Variants in ERC1 observed in about 807,000 individuals in gnomAD.
ERC1 encodes the protein RAB6 interacting protein 2.
Under a neutral mutation model 132.0 loss-of-function variants are expected in ERC1, and 56 were observed. That is an observed-to-expected ratio of 0.42 (90% confidence interval 0.34 to 0.53). ERC1 has a LOEUF of 0.53. Among genes scored for constraint, ERC1 ranks in the 20% least tolerant of loss-of-function variants. The probability of loss-of-function intolerance (pLI) is 0.03; values close to 1 mark genes in which losing one functional copy is unlikely to be tolerated. For synonymous variants in ERC1, 478 were observed against 476.1 expected (o/e 1.00, Z -0.05); for missense variants, 1,202 against 1,349.9 (o/e 0.89, Z 1.72).
At chr12:1,454,843 C>T (rs1285385163) in intron 18 of ERC1, among the ~76,000 whole-genome samples, 2 of 152,198 alleles carry the variant, frequency 1.3e-5, no homozygotes, top group Non-Finnish European at 2.9e-5. Flanking sequence ...TCGTCTCATA[C>T]TACTTAGGCT....
chr12:1,119,840 G>A (rs1034865242), intron 7 of ERC1, among the ~76,000 whole-genome samples: 1 of 151,976 alleles, frequency 6.6e-6, no homozygotes, highest in African/African-American at 2.4e-5. Flanking sequence ...GTGAGCCACC[G>A]CATCCATTCA....
At chr12:1,362,349 T>C (rs1302844125) in intron 15 of ERC1, among the ~76,000 whole-genome samples, 2 of 152,182 alleles carry the variant, frequency 1.3e-5, no homozygotes, top group African/African-American at 2.4e-5. Context: ...TCTCATCTGC[T>C]CTGTCCATCC....
At chr12:1,051,277 G>A (rs1381490441) in intron 2 of ERC1, among the ~76,000 whole-genome samples, 9 of 152,054 alleles carry the variant, frequency 5.9e-5, no homozygotes, top group African/African-American at 2.2e-4. Flanking sequence ...ACTCTCCTAA[G>A]GTAATCGTAA....
At chr12:1,430,144 T>C (rs749072007) in intron 17 of ERC1, 4 of 152,200 alleles carry the variant, frequency 2.6e-5, no homozygotes, top group African/African-American at 9.6e-5. Context: ...AACCTCTCCA[T>C]TGGGCTCCTG....
chr12:1,291,851 C>T (rs1594804139), intron 15 of ERC1, among the ~76,000 whole-genome samples: 1 of 152,122 alleles, frequency 6.6e-6, no homozygotes, highest in Non-Finnish European at 1.5e-5. Flanking sequence ...GAAACATTTG[C>T]GTTGGTTATA....
At chr12:1,430,012 G>A (rs1280836549) in intron 17 of ERC1, among the ~76,000 whole-genome samples, 5 of 152,074 alleles carry the variant, frequency 3.3e-5, no homozygotes, top group African/African-American at 1.2e-4. Flanking sequence ...TCTTACTTGG[G>A]GTCTCTCATG....
chr12:1,300,722 A>T (rs912377533), intron 15 of ERC1, among the ~76,000 whole-genome samples: 12 of 152,228 alleles, frequency 7.9e-5, no homozygotes, highest in African/African-American at 2.7e-4. Flanking sequence ...ACTGATTATT[A>T]GATAAAATGC....
intron 15 of ERC1, among the ~76,000 whole-genome samples, chr12:1,294,157 T>C (rs2154341869): frequency 6.6e-6 from 1 of 152,338 alleles, no homozygotes; most frequent in East Asian, 1.9e-4. Context: ...GCCCTGATAT[T>C]CAGTGCTTTT....
chr12:1,001,925 A>G (rs1251495863), intron 1 of ERC1, among the ~76,000 whole-genome samples: 1 of 144,774 alleles, frequency 6.9e-6, no homozygotes, highest in South Asian at 2.2e-4. Context: ...CAGTGGCGCA[A>G]TCTCTGCTTA....
chr12:1,486,464 A>G (rs6489290), intron 18 of ERC1, among the ~76,000 whole-genome samples: 83,551 of 151,784 alleles, frequency 0.55, 24,010 homozygotes, highest in Middle Eastern at 0.66. Context: ...TTGCTCTGTC[A>G]CCCAGGCTGG....
At chr12:1,016,997 T>G (rs1039904950) in intron 1 of ERC1, among the ~76,000 whole-genome samples, 1 of 151,614 alleles carries the variant, frequency 6.6e-6, no homozygotes, top group African/African-American at 2.4e-5. Flanking sequence ...TTTGAATATT[T>G]TTATTTATTA....
chr12:1,105,950 G>A (rs1022454854), intron 4 of ERC1, among the ~76,000 whole-genome samples: 3 of 152,158 alleles, frequency 2.0e-5, no homozygotes, highest in African/African-American at 7.2e-5. Flanking sequence ...TTGTGAAAGG[G>A]TTGAGGGTAC....
rs2088871022 is a variant in ERC1, at chr12:1,383,010, TGTC to T, written c.2925+11037_2925+11039del. 2.0e-5 allele frequency among the ~76,000 whole-genome samples: 3 copies of T among 152,332 alleles called. No individual in the cohort carries two copies. The South Asian group carries it at 6.2e-4, about 32-fold the overall frequency. On this transcript the variant is annotated intron_variant, in intron 16 of 18. Transcript: ENST00000360905. ...CTTTCATCCATCTGTTGCATTTTTT[TGTC>T]GTCATTTCCAGATGTAGGAAAATCC...
chr12:1,363,532 G>A (rs1198855731), intron 15 of ERC1, among the ~76,000 whole-genome samples: 2 of 132,412 alleles, frequency 1.5e-5, no homozygotes, highest in Non-Finnish European at 3.2e-5. Flanking sequence ...CCTTGTAAGT[G>A]TATTTCTTTC....
intron 2 of ERC1, among the ~76,000 whole-genome samples, chr12:1,069,526 C>A (rs1359879011): frequency 6.6e-6 from 1 of 151,986 alleles, no homozygotes; most frequent in Non-Finnish European, 1.5e-5. Flanking sequence ...TGAATAAGTA[C>A]AAAAATACTT....
At chr12:1,389,009 C>G (rs527592602) in intron 16 of ERC1, among the ~76,000 whole-genome samples, 136 of 152,280 alleles carry the variant, frequency 8.9e-4, no homozygotes, top group Middle Eastern at 3.4e-3. Context: ...AGTATGAGGC[C>G]TTCTTGGTCA....
chr12:1,075,301 A>G (rs959213722), intron 2 of ERC1, among the ~76,000 whole-genome samples: 4 of 152,208 alleles, frequency 2.6e-5, no homozygotes, highest in African/African-American at 9.6e-5. Context: ...GGGGCCTGAT[A>G]ACATAGTTGA....
At chr12:1,175,790 C>T (rs1953647535) in intron 8 of ERC1, among the ~76,000 whole-genome samples, 1 of 152,154 alleles carries the variant, frequency 6.6e-6, no homozygotes, top group Admixed American at 6.5e-5. Flanking sequence ...CTGCCTCGGC[C>T]TCCCAAAGTG....
At chr12:1,348,632 G>A (rs1317216524) in intron 15 of ERC1, among the ~76,000 whole-genome samples, 6 of 151,926 alleles carry the variant, frequency 3.9e-5, no homozygotes, top group Admixed American at 2.0e-4. Context: ...GGCAGAGCTT[G>A]CAGCGAGCCG....
Sources: allele counts gnomAD v4.1 joint callset (sites outside exome capture counted in the v4.1 genomes callset), GRCh38; gene constraint gnomAD v4.1.1; transcripts MANE v1.5; gene names NCBI Gene and HGNC (gene_info 2026-07-23, HGNC 2026-07-21).